The following RNF10 variants were observed in gnomAD, a reference collection of about 807,000 sequenced individuals.
The protein encoded by RNF10 is ring finger protein 10.
Under a neutral mutation model 91.4 loss-of-function variants are expected in RNF10, and 38 were observed. That is an observed-to-expected ratio of 0.42 (90% CI 0.32 to 0.54). The LOEUF is 0.54. Among genes scored for constraint, RNF10 ranks in the 20% least tolerant of loss-of-function variants. The pLI, the probability that RNF10 is intolerant of heterozygous loss-of-function variation, is 0.16. For missense variants in RNF10, 945 were observed against 1,012.0 expected (o/e 0.93, Z 0.90); for synonymous variants, 364 against 366.3 (o/e 0.99, Z 0.07).
intron 14 of RNF10, among the ~76,000 whole-genome samples, chr12:120,572,114 T>A (rs2137265170): frequency 6.6e-6 from 1 of 151,696 alleles, no homozygotes; most frequent in South Asian, 2.1e-4. Flanking sequence ...TCCCCCAGGC[T>A]GGAGTTCCGT....
chr12:120,556,812 A>G (rs1034548083), intron 4 of RNF10, among the ~76,000 whole-genome samples: 3 of 151,960 alleles, frequency 2.0e-5, no homozygotes, highest in African/African-American at 4.8e-5. Context: ...TATTAGTTTT[A>G]TTATATTTAA....
At chr12:120,537,786 A>G (rs1871047894) in intron 1 of RNF10, among the ~76,000 whole-genome samples, 1 of 151,880 alleles carries the variant, frequency 6.6e-6, no homozygotes, top group East Asian at 1.9e-4. Context: ...GCAAGGAAGG[A>G]TGGGCTTTGT....
intron 6 of RNF10, among the ~76,000 whole-genome samples, chr12:120,560,227 C>T (rs565783353): frequency 1.3e-5 from 2 of 149,338 alleles, no homozygotes; most frequent in East Asian, 4.2e-4. Context: ...TCTTGGCTCA[C>T]TGCGACCTCT....
chr12:120,534,861 A>G lies in RNF10; in HGVS notation c.50A>G (p.Lys17Arg). 1 of 1,608,262 alleles carries G rather than the reference A, an allele frequency of 6.2e-7. No individual in the cohort carries two copies. Among genetic ancestry groups the G allele is most frequent in the Non-Finnish European group, 8.5e-7 (1 of 1,179,550 alleles). ...NAAATASDMD[K>R]NSGSNSSSAS... ...GCCGCCACCGCCTCCGACATGGACA[A>G]GAACAGCGGCTCCAACAGCTCCTCC... Residue 17 changes from lysine (K) to arginine (R), a missense_variant, in exon 1 of 17, where the codon AAG becomes AGG. Coordinates refer to ENST00000325954, the MANE Select transcript of RNF10 (RefSeq NM_014868.5).
intron 10 of RNF10, 114 bp from the exon 11 acceptor site, chr12:120,564,958 T>A (rs1274316967): frequency 2.8e-6 from 2 of 721,902 alleles, no homozygotes; most frequent in South Asian, 1.6e-5. Context: ...CACTACTGTT[T>A]CCAGCCCCAG....
chr12:120,546,680 G>C, intron 2 of RNF10, 79 bp downstream of exon 2: 1 of 1,254,942 alleles, frequency 8.0e-7, no homozygotes, highest in South Asian at 1.4e-5. Context: ...TTTATCAGTA[G>C]TTGAGAAGGG....
In RNF10 at chr12:120,557,473, T is replaced by C. The variant is rs757898926; in HGVS notation, c.830+7T>C. On this transcript the variant is annotated splice_region_variant and intron_variant, in intron 5 of 16. Coordinates refer to ENST00000325954, the MANE Select transcript of RNF10 (RefSeq NM_014868.5). ...ATAAGAAGGATCTCAAGAGGTGAGA[T>C]TGAGACATTTACTCAGTTAGATCCC... 4.3e-6 allele frequency: 7 copies of C among 1,613,636 alleles called. No homozygotes were observed. The highest frequency in any genetic ancestry group is 1.7e-5 in the Admixed American group (1 of 59,984).
chr12:120,557,085 CAAAAAAAAAA>C (rs36018229), intron 4 of RNF10, among the ~76,000 whole-genome samples, 187 bp from the exon 5 acceptor site: 1 of 111,370 alleles, frequency 9.0e-6, no homozygotes, highest in African/African-American at 3.4e-5. Context: ...TGGACCGTCT[CAAAAAAAAAA>C]AAAAAAGAAA....
Position 120,554,794 on chromosome 12 carries a change from T to G in RNF10, c.631T>G (p.Phe211Val), listed in dbSNP as rs1873710053. ...ADPDTLVNWDFVEQVRICSHE... is the reference protein window; with the variant it reads ...ADPDTLVNWDVVEQVRICSHE... ...TCCTGATACATTAGTTAACTGGGAC[T>G]TTGTGGAACAAGTGGTGAGTAGCTC... Residue 211 changes from phenylalanine (F) to valine (V), a missense_variant, in exon 4 of 17, where the codon TTT (phenylalanine) becomes GTT (valine). Physicochemically the swap from Phe to Val is conservative, Grantham distance 50 (BLOSUM62 -1). Transcript: ENST00000325954. The G allele has an allele frequency of 6.2e-7, 1 of 1,613,828 alleles. No homozygotes were observed.
Position 120,565,142 on chromosome 12 carries a change from C to T in RNF10, c.1736C>T (p.Ala579Val), listed in dbSNP as rs757991242. 6.2e-7 allele frequency: 1 copy of T among 1,613,942 alleles called. No individual in the cohort carries two copies. The highest frequency in any genetic ancestry group is 1.1e-5 in the South Asian group (1 of 91,076). ...TGTGAGTTCAGCATCTGTGAACTGGCTTTGCAACCTCCTGTGGTCTCTAAG... is the reference window on the plus strand; with the variant it reads ...TGTGAGTTCAGCATCTGTGAACTGGTTTTGCAACCTCCTGTGGTCTCTAAG... ...LTCEFSICELALQPPVVSKET... is the reference protein window; with the variant it reads ...LTCEFSICELVLQPPVVSKET... The change falls in exon 11 of 17, where the codon GCT becomes GTT. Residue 579 changes from alanine to valine, a missense_variant. By Grantham distance (64) the Ala-to-Val change is moderately conservative. Coordinates refer to ENST00000325954, the MANE Select transcript of RNF10 (RefSeq NM_014868.5).
chr12:120,566,797 G>C, intron 12 of RNF10, 28 bp from the exon 13 acceptor site: 1 of 1,587,630 alleles, frequency 6.3e-7, no homozygotes, highest in Non-Finnish European at 8.6e-7. Flanking sequence ...CTGTAAATGG[G>C]TTTACAAGGG....
At chr12:120,574,653 C>T (rs11611781) in intron 14 of RNF10, 57,767 of 399,100 alleles carry the variant, frequency 0.14, 6,311 homozygotes, top group African/African-American at 0.41. Flanking sequence ...TGGCTGGGCA[C>T]GGTGTCTCAT....
chr12:120,565,964 T>G (rs779974333), intron 12 of RNF10, among the ~76,000 whole-genome samples: 6 of 152,236 alleles, frequency 3.9e-5, no homozygotes, highest in African/African-American at 9.6e-5. Context: ...ATTTAAGAGA[T>G]CTTTCGTAGC....
chr12:120,535,036 A>T (rs73225249), intron 1 of RNF10, 68 bp downstream of exon 1: 62,107 of 1,468,044 alleles, frequency 0.042, 1,450 homozygotes, highest in Non-Finnish European at 0.048. Flanking sequence ...CGTTGCTCTC[A>T]TCGGCTGGGT....
chr12:120,574,423 T>G, intron 14 of RNF10: 1 of 455,796 alleles, frequency 2.2e-6, no homozygotes, highest in Non-Finnish European at 4.4e-6. Context: ...GGAATGAAAA[T>G]TCCTCAGGGG....
intron 15 of RNF10, 42 bp downstream of exon 15, chr12:120,575,730 C>T (rs1250534431): frequency 9.3e-6 from 15 of 1,613,914 alleles, no homozygotes; most frequent in Non-Finnish European, 1.2e-5. Context: ...TGGCTTCTTT[C>T]CATAAAAGGC....
At chr12:120,574,640 A>G (rs755199385) in intron 14 of RNF10, 4 of 419,336 alleles carry the variant, frequency 9.5e-6, no homozygotes, top group Non-Finnish European at 1.4e-5. Flanking sequence ...ACTGGAGGGT[A>G]CTTGGCTGGG....
At chr12:120,575,076 TAAAA>T in intron 14 of RNF10, 1 of 151,432 alleles carries the variant, frequency 6.6e-6, no homozygotes, top group South Asian at 2.0e-4. Flanking sequence ...CCGTCTCTAC[TAAAA>T]AAAAAAAAAT....
intron 13 of RNF10, among the ~76,000 whole-genome samples, chr12:120,569,536 A>ATTTT (rs1326256466): frequency 9.7e-5 from 4 of 41,264 alleles, no homozygotes; most frequent in Non-Finnish European, 1.7e-4. Flanking sequence ...TGTGATATGC[A>ATTTT]TCTTTTTTTT....
Sources: allele counts gnomAD v4.1 joint callset (sites outside exome capture counted in the v4.1 genomes callset), GRCh38; gene constraint gnomAD v4.1.1; transcripts MANE v1.5; gene names NCBI Gene and HGNC (gene_info 2026-07-23, HGNC 2026-07-21).